Variants in GABRB3 observed in about 807,000 individuals in gnomAD.
GABRB3 encodes gamma-aminobutyric acid receptor subunit beta-3.
GABRB3 carries 14 observed loss-of-function variants against 52.1 expected under a neutral mutation model. The ratio of observed to expected loss-of-function variants is 0.27; its 90% CI spans 0.18 to 0.42. The LOEUF (loss-of-function observed/expected upper bound fraction) is 0.42, where lower values mean the gene tolerates loss of function less well. Among genes scored for constraint, GABRB3 ranks in the 10% least tolerant of loss-of-function variants. The pLI is 1.00. For synonymous variants in GABRB3, 260 were observed against 232.3 expected, an observed-to-expected ratio of 1.12 and a Z score of -1.08; for missense variants, 307 against 609.1, an observed-to-expected ratio of 0.50 and a Z score of 5.22.
At position 26,734,636 on chromosome 15, in the gene GABRB3, C is replaced by T. The variant is rs528933803; in HGVS notation, c.240+37766G>A. On this transcript the variant is annotated intron_variant, in intron 3 of 8. Transcript: ENST00000311550. ...CTCCAGCCTGGGCAACAGGGTGAGT[C>T]TCAAAAAAAAAAAAAAAAAAGCCTG... is the stretch of plus-strand genomic sequence containing the variant. Among the ~76,000 whole-genome samples the T allele has an allele frequency of 2.5e-3, 247 of 98,208 alleles. 2 individuals carry two copies. The highest frequency in any genetic ancestry group is 3.7e-3 in the Non-Finnish European group (187 of 50,894). The allele number at this position is 98,208 out of a possible 152,430, so 64.4% of individuals were successfully genotyped here. A position where few individuals can be genotyped will look rare whatever the true frequency, so the allele number is the denominator to read the frequency against.
At chr15:26,579,863 G>A (rs1595456130) in intron 6 of GABRB3, among the ~76,000 whole-genome samples, 1 of 152,104 alleles carries the variant, frequency 6.6e-6, no homozygotes, top group Non-Finnish European at 1.5e-5. Context: ...GGGGCAAGGC[G>A]GACTGGAGGT....
intron 3 of GABRB3, among the ~76,000 whole-genome samples, chr15:26,683,413 G>A (rs1888300249): frequency 6.6e-6 from 1 of 151,838 alleles, no homozygotes; most frequent in African/African-American, 2.4e-5. Flanking sequence ...GGTGGGGTGG[G>A]GAATGAGGGC....
At position 26,621,859 on chromosome 15, in the gene GABRB3, C is replaced by T. The variant is rs371549586; in HGVS notation, c.241-325G>A. Among the ~76,000 whole-genome samples the T allele has an allele frequency of 2.0e-5, 3 of 151,622 alleles. No individual in the cohort carries two copies. The highest frequency in any genetic ancestry group is 1.9e-4 in the East Asian group (1 of 5,154). On this transcript the variant is annotated intron_variant, in intron 3 of 8. Transcript: ENST00000311550. This position sits in a 1 kb window ranked among gnomAD's most constrained non-coding sequence, Gnocchi z 4.1. Reference sequence around the variant, plus strand: ...AGTCATCGTAAAATCAGGTTGCTGGCGGGGAACTAGATTGTTCCCATGGAT... The same window carrying T: ...AGTCATCGTAAAATCAGGTTGCTGGTGGGGAACTAGATTGTTCCCATGGAT...
At chr15:26,635,009 TA>T (rs67529838) in intron 3 of GABRB3, among the ~76,000 whole-genome samples, 5,102 of 11,584 alleles carry the variant, frequency 0.44, 712 homozygotes, top group South Asian at 0.56. Flanking sequence ...TATATATATA[TA>T]ATATATATAT....
intron 3 of GABRB3, among the ~76,000 whole-genome samples, chr15:26,722,783 G>A (rs1328575506): frequency 6.6e-6 from 1 of 152,118 alleles, no homozygotes; most frequent in Non-Finnish European, 1.5e-5. Flanking sequence ...TCCTTCAGAT[G>A]TGAGTCACTG....
At chr15:26,619,896 A>T (rs1892413949) in intron 4 of GABRB3, among the ~76,000 whole-genome samples, 1 of 151,668 alleles carries the variant, frequency 6.6e-6, no homozygotes, top group Non-Finnish European at 1.5e-5. Context: ...AACACAACAC[A>T]TACCACACAC....
At chr15:26,663,510 G>A (rs1887612074) in intron 3 of GABRB3, among the ~76,000 whole-genome samples, 1 of 152,090 alleles carries the variant, frequency 6.6e-6, no homozygotes, top group Non-Finnish European at 1.5e-5. Context: ...TACATTATCT[G>A]ACATAGTCAT....
intron 3 of GABRB3, among the ~76,000 whole-genome samples, chr15:26,643,565 A>T (rs1318275178): frequency 3.0e-5 from 4 of 133,572 alleles, no homozygotes; most frequent in African/African-American, 1.2e-4. Context: ...TATCATCAGC[A>T]TTCTCTTTGA....
intron 3 of GABRB3, among the ~76,000 whole-genome samples, chr15:26,651,944 G>A (rs913515723): frequency 2.6e-5 from 4 of 152,174 alleles, no homozygotes; most frequent in African/African-American, 9.7e-5. Flanking sequence ...CTCCATTCAT[G>A]CAGCCAGGTC....
intron 6 of GABRB3, among the ~76,000 whole-genome samples, chr15:26,570,300 C>T (rs1264486668): frequency 6.6e-6 from 1 of 152,228 alleles, no homozygotes; most frequent in Non-Finnish European, 1.5e-5. Context: ...TAGAATGAGG[C>T]TTCCCTTCAT....
intron 3 of GABRB3, among the ~76,000 whole-genome samples, chr15:26,681,668 A>C (rs1221551999): frequency 6.6e-6 from 1 of 152,190 alleles, no homozygotes; most frequent in East Asian, 1.9e-4. Flanking sequence ...AATGATGTAA[A>C]AGAATGTCTT....
intron 3 of GABRB3, among the ~76,000 whole-genome samples, chr15:26,742,264 C>T (rs1000345814): frequency 6.6e-6 from 1 of 151,812 alleles, no homozygotes. Context: ...CTTTGAAGCC[C>T]GGGAGTCCTT....
intron 3 of GABRB3, among the ~76,000 whole-genome samples, chr15:26,770,614 C>T (rs1488667752): frequency 6.6e-6 from 1 of 152,318 alleles, no homozygotes; most frequent in Non-Finnish European, 1.5e-5. Context: ...CCTCACTCCC[C>T]GAATTATTTT....
At chr15:26,649,759 CATAG>C (rs1322829389) in intron 3 of GABRB3, among the ~76,000 whole-genome samples, 1 of 148,760 alleles carries the variant, frequency 6.7e-6, no homozygotes, top group Non-Finnish European at 1.5e-5. Context: ...CGGATGGATG[CATAG>C]ATAGATGGTA....
At chr15:26,672,746 G>A (rs890790957) in intron 3 of GABRB3, among the ~76,000 whole-genome samples, 1 of 152,080 alleles carries the variant, frequency 6.6e-6, no homozygotes, top group Non-Finnish European at 1.5e-5. Context: ...TTTGATGATG[G>A]GAATGTCTGT....
Position 26,543,738 on chromosome 15 carries a change from A to G in GABRB3, c.*4055T>C, listed in dbSNP as rs1300853385. The G allele has an allele frequency of 6.6e-6, 1 of 152,662 alleles. No homozygotes were observed. Among genetic ancestry groups the G allele is most frequent in the Non-Finnish European group, 1.5e-5 (1 of 68,050 alleles). The allele number at this position is 152,662 out of a possible 1,614,324, so 9.5% of individuals were successfully genotyped here. A position where few individuals can be genotyped will look rare whatever the true frequency, so the allele number is the denominator to read the frequency against. ...AATCAACATGAGAATTGATTATGAC[A>G]GCAATCGCCTATTCCTACTAGAATA... On this transcript the variant is annotated 3_prime_UTR_variant, in exon 9 of 9. Coordinates refer to ENST00000311550, the MANE Select transcript of GABRB3 (RefSeq NM_000814.6).
intron 7 of GABRB3, among the ~76,000 whole-genome samples, chr15:26,565,932 G>T (rs1022307134): frequency 9.9e-5 from 15 of 152,184 alleles, no homozygotes; most frequent in African/African-American, 3.6e-4. Flanking sequence ...TTCTTAAAAG[G>T]GGGTGCTTGA....
intron 3 of GABRB3, among the ~76,000 whole-genome samples, chr15:26,739,210 C>T (rs773056784): frequency 2.0e-5 from 3 of 151,988 alleles, no homozygotes; most frequent in Non-Finnish European, 2.9e-5. Flanking sequence ...TCCACTTGGC[C>T]GTCCTACATC....
chr15:26,636,501 C>A (rs1893065402), intron 3 of GABRB3, among the ~76,000 whole-genome samples: 1 of 152,178 alleles, frequency 6.6e-6, no homozygotes, highest in Non-Finnish European at 1.5e-5. Context: ...TCTTTTTATG[C>A]CACCATCCAC....
Sources: gnomAD v4.1 joint callset for allele counts (sites outside exome capture counted in the v4.1 genomes callset) on GRCh38, gnomAD v4.1.1 for gene constraint, Gnocchi (gnomAD v3.1) non-coding constraint, MANE v1.5 for transcripts, NCBI Gene and HGNC (gene_info 2026-07-23, HGNC 2026-07-21) for gene names.